Variants in SPACA9 observed in about 807,000 individuals in gnomAD.
SPACA9 encodes sperm acrosome associated 9, also known as sperm acrosome-associated protein 9.
In SPACA9, 14 loss-of-function variants were observed where a neutral mutation model predicts 12.5. That is an observed-to-expected ratio of 1.12 (90% CI 0.74 to 1.75). The LOEUF is 1.75. Ranked by LOEUF, SPACA9 falls within the 40% of genes most tolerant of loss-of-function variation. SPACA9 has a pLI of 0.00. For missense variants in SPACA9, 292 were observed against 291.9 expected, an observed-to-expected ratio of 1.00 and a Z score of 0.00; for synonymous variants, 111 against 114.1, an observed-to-expected ratio of 0.97 and a Z score of 0.17.
In SPACA9 at chr9:132,888,179, G is replaced by A; in HGVS notation, c.348-111G>A. 6.6e-7 allele frequency: 1 copy of A among 1,511,214 alleles called. No homozygotes were observed. Among genetic ancestry groups the A allele is most frequent in the Non-Finnish European group, 8.8e-7 (1 of 1,130,520 alleles). 93.6% of individuals were successfully genotyped at this position (1,511,214 alleles called of 1,614,324 possible). A position where few individuals can be genotyped will look rare whatever the true frequency, so the allele number is the denominator to read the frequency against. ...AGCGCCTCAGCGTGCTGTGTGTCCA[G>A]TTCTAAAGCCTCCCCAGGTGACTCT... On this transcript the variant is annotated intron_variant, in intron 3 of 3. Coordinates refer to ENST00000356311, the MANE Select transcript of SPACA9 (RefSeq NM_001316897.2). The surrounding 1 kb of genome is among the most constrained non-coding windows in gnomAD (Gnocchi z 5.0).
Position 132,889,091 on chromosome 9 carries a change from T to C in SPACA9, c.*480T>C, listed in dbSNP as rs1844662633. 1.0e-6 allele frequency: 1 copy of C among 993,950 alleles called. No homozygotes were observed. The highest frequency in any genetic ancestry group is 1.7e-5 in the African/African-American group (1 of 57,314). The allele number at this position is 993,950 out of a possible 1,614,324, so 61.6% of individuals were successfully genotyped here. ...GGCCCTCTTGCTTTAACTTCTAACA[T>C]TTCCACTTCTAAGCATCAGGCTCCG... On this transcript the variant is annotated 3_prime_UTR_variant, in exon 4 of 4. Transcript: ENST00000356311.
At chr9:132,883,883 C>T (rs1564457308) in intron 1 of SPACA9, 28 bp from the exon 2 acceptor site, 5 of 1,562,678 alleles carry the variant, frequency 3.2e-6, no homozygotes, top group Non-Finnish European at 4.4e-6. Flanking sequence ...GTCCCAGGAC[C>T]TCATCACTAT....
Position 132,884,042 on chromosome 9 carries a change from G to A in SPACA9, c.95G>A (p.Cys32Tyr), listed in dbSNP as rs1564457537. Reference protein sequence around the residue: ...QLTFTAALEHCRENAHDKIRP... With the variant: ...QLTFTAALEHYRENAHDKIRP... ...ACCTTCACCGCCGCTCTGGAGCACT[G>A]CAGGGAGAACGCCCACGACAAGATC... Residue 32 changes from cysteine to tyrosine, a missense_variant, in exon 2 of 4, where the codon TGC (cysteine) becomes TAC (tyrosine). By Grantham distance (194) the Cys-to-Tyr change is radical. Coordinates refer to ENST00000356311, the MANE Select transcript of SPACA9 (RefSeq NM_001316897.2). The A allele has an allele frequency of 2.5e-6, 4 of 1,614,176 alleles. No individual in the cohort carries two copies. The highest frequency in any genetic ancestry group is 1.6e-4 in the Middle Eastern group (1 of 6,062).
intron 1 of SPACA9, among the ~76,000 whole-genome samples, chr9:132,882,149 G>A (rs1422767253): frequency 6.6e-6 from 1 of 152,194 alleles, no homozygotes; most frequent in African/African-American, 2.4e-5. Context: ...GACTGTCCCT[G>A]TGTCTGTTGA....
rs374977362 is a variant in SPACA9 at position 132,887,549 on chromosome 9, G to A, written c.325G>A (p.Asp109Asn). 240 of 1,613,924 alleles carry A rather than the reference G, an allele frequency of 1.5e-4. No homozygotes were observed. Among genetic ancestry groups the A allele is most frequent in the Non-Finnish European group, 1.8e-4 (208 of 1,180,032 alleles). ...CAAAACCCTCGTTAGCCAAAGCAAC[G>A]ACTTAAGCAGCCTCAGAGCAAAGTA... ...KCKTLVSQSN[D>N]LSSLRAKYPH... The change falls in exon 3 of 4, where the codon GAC becomes AAC. Residue 109 changes from aspartate (D) to asparagine (N), a missense_variant. Transcript: ENST00000356311. The surrounding 1 kb of genome is among the most constrained non-coding windows in gnomAD (Gnocchi z 5.4).
chr9:132,878,655 T>A, upstream of SPACA9: 1 of 1,010,500 alleles, frequency 9.9e-7, no homozygotes, highest in Non-Finnish European at 1.2e-6. This position sits in a 1 kb window ranked among gnomAD's most constrained non-coding sequence, Gnocchi z 4.7. Context: ...TACCCATCTT[T>A]AAAACAGACG....
chr9:132,889,226 G>A lies in SPACA9; in HGVS notation c.*615G>A, dbSNP rs554581286. On this transcript the variant is annotated 3_prime_UTR_variant, in exon 4 of 4. Coordinates refer to ENST00000356311, the MANE Select transcript of SPACA9 (RefSeq NM_001316897.2). ...CCTAGGTCCTCTTTGAGCCACATCC[G>A]GCTCCAGTGCCACGCCTGTCCCTGC... 1.0e-6 allele frequency: 1 copy of A among 986,110 alleles called. No individual in the cohort carries two copies. The highest frequency in any genetic ancestry group is 6.1e-5 in the Admixed American group (1 of 16,366). The allele number at this position is 986,110 out of a possible 1,614,324, so 61.1% of individuals were successfully genotyped here.
intron 2 of SPACA9, among the ~76,000 whole-genome samples, chr9:132,886,419 G>T (rs1844565924): frequency 6.6e-6 from 1 of 152,204 alleles, no homozygotes; most frequent in African/African-American, 2.4e-5. Context: ...TCTCAGTATG[G>T]GTGGCCCACG....
downstream of SPACA9, chr9:132,890,286 C>T (rs531865644): frequency 5.9e-5 from 12 of 202,436 alleles, no homozygotes; most frequent in South Asian, 1.1e-3. Flanking sequence ...CCTGAATTTT[C>T]CAGAGAAATT....
Position 132,889,739 on chromosome 9 carries a change from T to G in SPACA9, c.*1128T>G. On this transcript the variant is annotated 3_prime_UTR_variant, in exon 4 of 4. Coordinates refer to ENST00000356311, the MANE Select transcript of SPACA9 (RefSeq NM_001316897.2). ...CAGAACTCAGTAGTGTGTTTAGTTC[T>G]CTGGACCACAGCCAAAGGGGAATAA... 8.1e-7 allele frequency: 1 copy of G among 1,238,336 alleles called. No individual in the cohort carries two copies. Among genetic ancestry groups the G allele is most frequent in the Non-Finnish European group, 1.0e-6 (1 of 979,104 alleles). 76.7% of individuals were successfully genotyped at this position (1,238,336 alleles called of 1,614,324 possible). A position where few individuals can be genotyped will look rare whatever the true frequency, so the allele number is the denominator to read the frequency against.
At position 132,889,415 on chromosome 9, in the gene SPACA9, T is replaced by C. The variant is rs1474479693; in HGVS notation, c.*804T>C. 3 of 985,322 alleles carry C rather than the reference T, an allele frequency of 3.0e-6. No individual in the cohort carries two copies. Among genetic ancestry groups the C allele is most frequent in the African/African-American group, 1.7e-5 (1 of 57,220 alleles). The allele number at this position is 985,322 out of a possible 1,614,324, so 61.0% of individuals were successfully genotyped here. On this transcript the variant is annotated 3_prime_UTR_variant, in exon 4 of 4. Coordinates refer to ENST00000356311, the MANE Select transcript of SPACA9 (RefSeq NM_001316897.2). ...ATGTGGAACTCAGCGTGTTTATTTT[T>C]TTATTTTTTGAGATGGAGTTTCACT... is the stretch of plus-strand genomic sequence containing the variant.
Position 132,887,291 on chromosome 9 carries a change from C to A in SPACA9, c.145-78C>A. On this transcript the variant is annotated intron_variant, in intron 2 of 3. Transcript: ENST00000356311. This position sits in a 1 kb window ranked among gnomAD's most constrained non-coding sequence, Gnocchi z 5.4. ...AGGGTGGGAGGGAGTAGGGTGGGTG[C>A]TTCTGGACATTTGCACCATAAGCCA... is the stretch of plus-strand genomic sequence containing the variant. 7.5e-7 allele frequency: 1 copy of A among 1,332,862 alleles called. No homozygotes were observed. The highest frequency in any genetic ancestry group is 1.1e-6 in the Non-Finnish European group (1 of 943,750). The allele number at this position is 1,332,862 out of a possible 1,614,324, so 82.6% of individuals were successfully genotyped here.
At chr9:132,883,234 C>T (rs964020713) in intron 1 of SPACA9, among the ~76,000 whole-genome samples, 2 of 152,232 alleles carry the variant, frequency 1.3e-5, no homozygotes, top group Non-Finnish European at 1.5e-5. Flanking sequence ...CCACTAGCCA[C>T]CAGCCCTGCC....
intron 1 of SPACA9, among the ~76,000 whole-genome samples, chr9:132,882,434 C>T (rs978346704): frequency 1.7e-4 from 26 of 150,650 alleles, no homozygotes; most frequent in Admixed American, 1.7e-3. Flanking sequence ...CTTCTTGCAT[C>T]AACTGGGATG....
chr9:132,878,369 T>G, upstream of SPACA9: 1 of 1,247,020 alleles, frequency 8.0e-7, no homozygotes, highest in Non-Finnish European at 1.0e-6. This position sits in a 1 kb window ranked among gnomAD's most constrained non-coding sequence, Gnocchi z 4.7. Flanking sequence ...CGGGCCCAGA[T>G]ACCCGATCCT....
At chr9:132,884,152 G>A in intron 2 of SPACA9, 61 bp downstream of exon 2, 1 of 1,573,846 alleles carries the variant, frequency 6.4e-7, no homozygotes, top group Non-Finnish European at 8.7e-7. Flanking sequence ...TCTCACAAAA[G>A]ATGAAACCAC....
intron 1 of SPACA9, among the ~76,000 whole-genome samples, chr9:132,883,351 A>G (rs1844475955): frequency 6.6e-6 from 1 of 152,232 alleles, no homozygotes; most frequent in Admixed American, 6.5e-5. Flanking sequence ...CTCCCCGCTT[A>G]ATCCATGGGA....
At chr9:132,879,409 C>T (rs1844316918) in intron 1 of SPACA9, among the ~76,000 whole-genome samples, 1 of 152,154 alleles carries the variant, frequency 6.6e-6, no homozygotes, top group Non-Finnish European at 1.5e-5. Context: ...GTTCTGGCTC[C>T]GCTTCTTACT....
intron 1 of SPACA9, among the ~76,000 whole-genome samples, chr9:132,880,856 T>C (rs1844400617): frequency 1.3e-5 from 2 of 148,708 alleles, no homozygotes; most frequent in Non-Finnish European, 3.0e-5. Context: ...GGAGTCTTGC[T>C]CTGTCGCCCA....
Sources: gnomAD v4.1 joint callset for allele counts (sites outside exome capture counted in the v4.1 genomes callset) on GRCh38, gnomAD v4.1.1 for gene constraint, Gnocchi (gnomAD v3.1) non-coding constraint, MANE v1.5 for transcripts, NCBI Gene and HGNC (gene_info 2026-07-23, HGNC 2026-07-21) for gene names.